Variants in IL1RAPL2 observed in about 807,000 individuals in gnomAD.
IL1RAPL2 encodes interleukin 1 receptor accessory protein like 2.
In IL1RAPL2, 3 loss-of-function variants were observed where a neutral mutation model predicts 44.1. That is an observed-to-expected ratio of 0.07 (90% confidence interval 0.03 to 0.18). The LOEUF (loss-of-function observed/expected upper bound fraction) is 0.18. Among genes scored for constraint, IL1RAPL2 ranks in the 10% least tolerant of loss-of-function variants. The pLI, the probability that IL1RAPL2 is intolerant of heterozygous loss-of-function variation, is 1.00. For missense variants in IL1RAPL2, 391 were observed against 496.4 expected, an observed-to-expected ratio of 0.79 and a Z score of 2.02; for synonymous variants, 181 against 178.8, an observed-to-expected ratio of 1.01 and a Z score of -0.10.
Position 105,607,366 on chromosome X carries a change from A to G in IL1RAPL2, c.773-110001A>G, listed in dbSNP as rs182127667. Among the ~76,000 whole-genome samples the G allele has an allele frequency of 7.2e-3, 779 of 108,431 alleles. 2 individuals carry two copies. Among genetic ancestry groups the G allele is most frequent in the Non-Finnish European group, 0.011 (589 of 51,987 alleles). 94.2% of individuals were successfully genotyped at this position (108,431 alleles called of 115,157 possible). On this transcript the variant is annotated intron_variant, in intron 6 of 10. Coordinates refer to ENST00000372582, the MANE Select transcript of IL1RAPL2 (RefSeq NM_017416.2). Reference sequence around the variant, plus strand: ...GTATGGATTGTTTTTGCTTTTTTTCATTTATTTCATAACAAATGGTCAATT... The same window carrying G: ...GTATGGATTGTTTTTGCTTTTTTTCGTTTATTTCATAACAAATGGTCAATT...
At chrX:105,749,174 A>G in intron 9 of IL1RAPL2, 71 bp downstream of exon 9, 2 of 1,056,669 alleles carry the variant, frequency 1.9e-6, no homozygotes, top group South Asian at 4.7e-5. Flanking sequence ...GAACTTCCCT[A>G]TTTTTAGAAA....
chrX:104,599,559 A>G (rs1234882250), intron 1 of IL1RAPL2, among the ~76,000 whole-genome samples: 1 of 108,962 alleles, frequency 9.2e-6, no homozygotes, highest in African/African-American at 3.3e-5. Context: ...ATTTTTTTTT[A>G]AAGAAACCTT....
chrX:104,722,415 G>T (rs1404596209), intron 2 of IL1RAPL2, among the ~76,000 whole-genome samples: 3 of 111,671 alleles, frequency 2.7e-5, no homozygotes, highest in African/African-American at 9.7e-5. Flanking sequence ...GCTGGATTTG[G>T]CCAGTAGGAG....
chrX:104,778,564 AATATATATAT>A (rs35804353), intron 2 of IL1RAPL2, among the ~76,000 whole-genome samples: 1 of 99,512 alleles, frequency 1.0e-5, no homozygotes, highest in South Asian at 4.5e-4. Context: ...CGTCTCAAAT[AATATATATAT>A]ATATATATAA....
intron 6 of IL1RAPL2, among the ~76,000 whole-genome samples, chrX:105,679,499 G>A (rs1157538012): frequency 8.9e-6 from 1 of 112,139 alleles, no homozygotes; most frequent in Non-Finnish European, 1.9e-5. Context: ...TTTTTATGGA[G>A]TAAAGGAATG....
chrX:104,762,350 C>T (rs1932476160), intron 2 of IL1RAPL2, among the ~76,000 whole-genome samples: 1 of 111,853 alleles, frequency 8.9e-6, no homozygotes, highest in African/African-American at 3.3e-5. Context: ...TTCCATGTCT[C>T]ACCTTCATGT....
intron 2 of IL1RAPL2, among the ~76,000 whole-genome samples, chrX:104,777,832 T>C (rs1932745138): frequency 9.0e-6 from 1 of 110,520 alleles, no homozygotes; most frequent in Non-Finnish European, 1.9e-5. Context: ...TCCGTGTACC[T>C]TGGCCTCCCA....
chrX:105,371,095 T>TA (rs1184168185), intron 5 of IL1RAPL2, among the ~76,000 whole-genome samples: 8 of 112,410 alleles, frequency 7.1e-5, no homozygotes, highest in African/African-American at 2.6e-4. Flanking sequence ...TGTTTTTTGT[T>TA]AATTTATTCA....
chrX:104,696,278 G>A (rs1224318958), intron 2 of IL1RAPL2, among the ~76,000 whole-genome samples: 1 of 112,051 alleles, frequency 8.9e-6, no homozygotes, highest in Non-Finnish European at 1.9e-5. Context: ...AATTACACAA[G>A]GTTAAACAGC....
intron 6 of IL1RAPL2, among the ~76,000 whole-genome samples, chrX:105,703,098 A>C (rs1335716740): frequency 9.0e-6 from 1 of 111,622 alleles, no homozygotes; most frequent in Non-Finnish European, 1.9e-5. Flanking sequence ...AAATCCTCTA[A>C]TTCTAGAATA....
chrX:105,079,405 A>T (rs934307412), intron 2 of IL1RAPL2, among the ~76,000 whole-genome samples: 2 of 108,675 alleles, frequency 1.8e-5, no homozygotes, highest in Non-Finnish European at 3.8e-5. Context: ...AACAGCAAAG[A>T]CTTGGAACCA....
At chrX:105,643,662 T>C (rs2037584168) in intron 6 of IL1RAPL2, among the ~76,000 whole-genome samples, 1 of 111,807 alleles carries the variant, frequency 8.9e-6, no homozygotes, top group African/African-American at 3.2e-5. Context: ...GACAAAGTTT[T>C]ACACAGTGTC....
At chrX:105,282,766 G>T (rs1274635756) in intron 5 of IL1RAPL2, among the ~76,000 whole-genome samples, 5 of 111,646 alleles carry the variant, frequency 4.5e-5, no homozygotes. Flanking sequence ...ATGATGTTTT[G>T]AAGCTACTGG....
intron 1 of IL1RAPL2, among the ~76,000 whole-genome samples, chrX:104,578,002 T>A (rs1928274447): frequency 8.9e-6 from 1 of 111,941 alleles, no homozygotes; most frequent in South Asian, 3.8e-4. Flanking sequence ...CATCTATGTA[T>A]ATATTTATGT....
chrX:105,417,665 T>C (rs1257048577), intron 5 of IL1RAPL2, among the ~76,000 whole-genome samples: 2 of 110,158 alleles, frequency 1.8e-5, no homozygotes, highest in Non-Finnish European at 3.8e-5. Context: ...TCCTGTCTTG[T>C]AGGAGGCATT....
chrX:105,169,731 T>C (rs1251242376), intron 2 of IL1RAPL2, among the ~76,000 whole-genome samples: 1 of 108,352 alleles, frequency 9.2e-6, no homozygotes, highest in Non-Finnish European at 1.9e-5. Context: ...TATTTCACCA[T>C]GTTGGCCAGG....
At chrX:105,436,455 G>A (rs1222370937) in intron 5 of IL1RAPL2, among the ~76,000 whole-genome samples, 2 of 111,643 alleles carry the variant, frequency 1.8e-5, no homozygotes, top group Non-Finnish European at 3.8e-5. Context: ...AATAAGTGAG[G>A]TTTGAATTTA....
intron 6 of IL1RAPL2, among the ~76,000 whole-genome samples, chrX:105,645,460 C>G (rs1376241931): frequency 1.8e-5 from 2 of 111,974 alleles, no homozygotes; most frequent in Non-Finnish European, 3.8e-5. Context: ...GGCCAAAAGT[C>G]TCAAATGCAA....
intron 10 of IL1RAPL2, among the ~76,000 whole-genome samples, chrX:105,762,587 T>A (rs754359272): frequency 2.1e-4 from 24 of 112,391 alleles, no homozygotes; most frequent in Non-Finnish European, 3.9e-4. Context: ...ACAGGTTAAA[T>A]GTACTTGGCT....
Sources: allele counts gnomAD v4.1 joint callset (sites outside exome capture counted in the v4.1 genomes callset), GRCh38; gene constraint gnomAD v4.1.1; transcripts MANE v1.5; gene names NCBI Gene and HGNC (gene_info 2026-07-23, HGNC 2026-07-21).